The following FLI1 variants were observed in gnomAD, a reference collection of about 807,000 sequenced individuals.
The protein encoded by FLI1 is Friend leukemia integration 1 transcription factor.
FLI1 carries 13 observed loss-of-function variants against 53.1 expected under a neutral mutation model. The observed-to-expected ratio is 0.24, with a 90% confidence interval of 0.16 to 0.39. The LOEUF (loss-of-function observed/expected upper bound fraction) is 0.39. Among genes scored for constraint, FLI1 ranks in the 10% least tolerant of loss-of-function variants. The pLI is 1.00. For missense variants in FLI1, 424 were observed against 600.5 expected, an observed-to-expected ratio of 0.71 and a Z score of 3.07; for synonymous variants, 244 against 236.7, an observed-to-expected ratio of 1.03 and a Z score of -0.28.
chr11:128,809,676 T>C (rs1167310929), intron 8 of FLI1, among the ~76,000 whole-genome samples: 2 of 152,212 alleles, frequency 1.3e-5, no homozygotes, highest in Non-Finnish European at 2.9e-5. Flanking sequence ...ATATAGTCAA[T>C]TTGACCTTGT....
intron 5 of FLI1, among the ~76,000 whole-genome samples, chr11:128,792,910 A>G (rs1942318602): frequency 1.3e-5 from 2 of 152,164 alleles, no homozygotes; most frequent in Admixed American, 1.3e-4. Context: ...TGAGCCCAGG[A>G]GTTCAAGATC....
chr11:128,744,611 A>G (rs1298076106), intron 1 of FLI1, among the ~76,000 whole-genome samples: 38 of 152,220 alleles, frequency 2.5e-4, no homozygotes. Flanking sequence ...TGCGGGTAAC[A>G]TGTCAAAGAT....
intron 2 of FLI1, among the ~76,000 whole-genome samples, 167 bp from the exon 3 acceptor site, chr11:128,767,951 G>C (rs552593502): frequency 6.6e-6 from 1 of 152,178 alleles, no homozygotes; most frequent in African/African-American, 2.4e-5. Context: ...AAACTCTGGT[G>C]GCAGCATGGA....
At position 128,811,176 on chromosome 11, in the gene FLI1, C is replaced by T. The variant is rs1490911656; in HGVS notation, c.*188C>T. ...ATGTTGGTAACTTTTGCTTCCTCTACCTGAACAAAGAGATGAATAATTCCA... is the reference window on the plus strand; with the variant it reads ...ATGTTGGTAACTTTTGCTTCCTCTATCTGAACAAAGAGATGAATAATTCCA... On this transcript the variant is annotated 3_prime_UTR_variant, in exon 9 of 9. Transcript: ENST00000527786. 107 of 602,790 alleles carry T rather than the reference C, an allele frequency of 1.8e-4. 1 individual carries two copies. The highest frequency in any genetic ancestry group is 4.9e-5 in the Non-Finnish European group (17 of 344,950). 37.3% of individuals were successfully genotyped at this position (602,790 alleles called of 1,614,324 possible). A position where few individuals can be genotyped will look rare whatever the true frequency, so the allele number is the denominator to read the frequency against.
At chr11:128,788,488 C>T (rs1007815402) in intron 5 of FLI1, among the ~76,000 whole-genome samples, 1 of 151,894 alleles carries the variant, frequency 6.6e-6, no homozygotes, top group African/African-American at 2.4e-5. Flanking sequence ...AGCAAAAAAA[C>T]AACTATTTAG....
intron 8 of FLI1, among the ~76,000 whole-genome samples, chr11:128,809,758 C>A (rs1942889042): frequency 1.3e-5 from 2 of 152,300 alleles, no homozygotes; most frequent in African/African-American, 4.8e-5. Context: ...AGATTGGGAG[C>A]TAGCAGGCCC....
intron 1 of FLI1, among the ~76,000 whole-genome samples, chr11:128,732,579 T>C (rs635696): frequency 0.16 from 23,738 of 152,098 alleles, 2,232 homozygotes; most frequent in East Asian, 0.34. Flanking sequence ...GTGGTAGGTA[T>C]TATGAAGAAA....
intron 5 of FLI1, among the ~76,000 whole-genome samples, chr11:128,790,762 T>C (rs1000678257): frequency 2.0e-5 from 3 of 152,222 alleles, no homozygotes; most frequent in African/African-American, 7.2e-5. Flanking sequence ...TTTGTGTATG[T>C]AGGTTTTACT....
At chr11:128,737,840 T>C (rs11221453) in intron 1 of FLI1, among the ~76,000 whole-genome samples, 11,445 of 152,298 alleles carry the variant, frequency 0.075, 441 homozygotes, top group South Asian at 0.091. Context: ...TCGGAGCTTA[T>C]GATATATAAC....
At chr11:128,760,932 G>A (rs79430300) in intron 2 of FLI1, among the ~76,000 whole-genome samples, 1,981 of 152,212 alleles carry the variant, frequency 0.013, 39 homozygotes, top group African/African-American at 0.045. Context: ...TTCTGCGGGG[G>A]CATCCTGCTC....
chr11:128,794,327 G>T (rs1035791037), intron 5 of FLI1, among the ~76,000 whole-genome samples: 2 of 152,230 alleles, frequency 1.3e-5, no homozygotes, highest in African/African-American at 4.8e-5. Flanking sequence ...TGTTCCAAAT[G>T]TGTTGGTTCT....
At chr11:128,685,554 C>CA (rs111642677), upstream of FLI1, among the ~76,000 whole-genome samples, 3,850 of 142,952 alleles carry the variant, frequency 0.027, 184 homozygotes, top group African/African-American at 0.087. Context: ...CTTCGACTTT[C>CA]AAAAAAAAAA....
At chr11:128,787,816 T>TC (rs1942137740) in intron 5 of FLI1, among the ~76,000 whole-genome samples, 2 of 150,486 alleles carry the variant, frequency 1.3e-5, no homozygotes, top group South Asian at 4.2e-4. Flanking sequence ...AATTTTTTTT[T>TC]TTTTTTTTGA....
chr11:128,695,693 T>C (rs1415679757), intron 1 of FLI1, among the ~76,000 whole-genome samples: 1 of 152,120 alleles, frequency 6.6e-6, no homozygotes, highest in Admixed American at 6.6e-5. Context: ...TAAGAGCCTA[T>C]AAGAGCCTGG....
intron 1 of FLI1, among the ~76,000 whole-genome samples, chr11:128,704,526 A>T (rs1305456661): frequency 6.6e-6 from 1 of 152,236 alleles, no homozygotes; most frequent in South Asian, 2.1e-4. Context: ...CCTTTAAAAA[A>T]ATCCTGTTTA....
At chr11:128,714,265 T>C (rs1412752072) in intron 1 of FLI1, among the ~76,000 whole-genome samples, 1 of 151,328 alleles carries the variant, frequency 6.6e-6, no homozygotes, top group East Asian at 1.9e-4. Context: ...GAAGATGCGC[T>C]GGCTGGCGCC....
chr11:128,799,033 TA>T (rs1261904356), intron 5 of FLI1, among the ~76,000 whole-genome samples: 3 of 135,188 alleles, frequency 2.2e-5, no homozygotes, highest in African/African-American at 2.7e-5. Context: ...TTATTATTAT[TA>T]TTATTATTAT....
intron 7 of FLI1, among the ~76,000 whole-genome samples, chr11:128,807,898 T>G (rs982731684): frequency 9.9e-5 from 15 of 152,184 alleles, no homozygotes; most frequent in Non-Finnish European, 1.3e-4. Flanking sequence ...CGAAATCCTT[T>G]GCATATCTGA....
chr11:128,773,465 G>A (rs1941636518), intron 4 of FLI1, among the ~76,000 whole-genome samples: 1 of 151,894 alleles, frequency 6.6e-6, no homozygotes, highest in Non-Finnish European at 1.5e-5. Flanking sequence ...ATTTGACAGG[G>A]CTGCTATCTG....
Sources: gnomAD v4.1 joint callset for allele counts (sites outside exome capture counted in the v4.1 genomes callset) on GRCh38, gnomAD v4.1.1 for gene constraint, MANE v1.5 for transcripts, NCBI Gene and HGNC (gene_info 2026-07-23, HGNC 2026-07-21) for gene names.